Variants in PAPPA2 observed in about 807,000 individuals in gnomAD.
The protein encoded by PAPPA2 is pappalysin 2.
Under a neutral mutation model 176.4 loss-of-function variants are expected in PAPPA2, and 86 were observed. The observed-to-expected ratio is 0.49, with a 90% CI of 0.41 to 0.58. The LOEUF is 0.58. PAPPA2 is among the 20% of genes least tolerant of loss of function. PAPPA2 has a pLI of 0.00. For missense variants in PAPPA2, 2,073 were observed against 2,256.9 expected, an observed-to-expected ratio of 0.92 and a Z score of 1.65; for synonymous variants, 809 against 852.2, an observed-to-expected ratio of 0.95 and a Z score of 0.88.
chr1:176,712,062 T>C (rs779311986), intron 12 of PAPPA2, 81 bp downstream of exon 12: 3 of 1,462,420 alleles, frequency 2.1e-6, no homozygotes, highest in East Asian at 2.3e-5. Context: ...TGTGTGTAAA[T>C]GGTGCATTTG....
At chr1:176,734,304 C>T (rs1662296451) in intron 12 of PAPPA2, among the ~76,000 whole-genome samples, 1 of 152,016 alleles carries the variant, frequency 6.6e-6, no homozygotes, top group Non-Finnish European at 1.5e-5. Flanking sequence ...ACAAATCATA[C>T]ATTGTTGAAT....
At chr1:176,630,241 C>T (rs534580139) in intron 3 of PAPPA2, among the ~76,000 whole-genome samples, 3 of 151,838 alleles carry the variant, frequency 2.0e-5, no homozygotes, top group Non-Finnish European at 4.4e-5. Context: ...AGGAAACTTA[C>T]GTAGGTAGTA....
At chr1:176,689,894 A>ACAT (rs1660025027) in intron 4 of PAPPA2, among the ~76,000 whole-genome samples, 1 of 152,148 alleles carries the variant, frequency 6.6e-6, no homozygotes, top group Admixed American at 6.5e-5. Flanking sequence ...TATTATGTCA[A>ACAT]CATTGCTATC....
chr1:176,693,067 T>C (rs530597025), intron 6 of PAPPA2, among the ~76,000 whole-genome samples: 1 of 152,272 alleles, frequency 6.6e-6, no homozygotes, highest in South Asian at 2.1e-4. Flanking sequence ...GAGAGAAAGG[T>C]AGGAAAATGA....
At chr1:176,589,884 T>C (rs1350742562) in intron 2 of PAPPA2, among the ~76,000 whole-genome samples, 1 of 152,198 alleles carries the variant, frequency 6.6e-6, no homozygotes, top group Admixed American at 6.5e-5. Context: ...GTCTCCTAAA[T>C]GTGAGATTCT....
intron 1 of PAPPA2, among the ~76,000 whole-genome samples, chr1:176,530,243 G>T (rs1362822226): frequency 2.0e-5 from 3 of 152,192 alleles, no homozygotes; most frequent in African/African-American, 7.2e-5. Context: ...AGGAAGACAG[G>T]TTAAAACCTC....
At chr1:176,752,878 A>C (rs1663247117) in intron 14 of PAPPA2, among the ~76,000 whole-genome samples, 1 of 152,232 alleles carries the variant, frequency 6.6e-6, no homozygotes, top group African/African-American at 2.4e-5. Flanking sequence ...CTTTAGCCTT[A>C]GAAAGCTATT....
chr1:176,738,564 C>G (rs905603343), intron 12 of PAPPA2, among the ~76,000 whole-genome samples: 1 of 152,142 alleles, frequency 6.6e-6, no homozygotes, highest in East Asian at 1.9e-4. Flanking sequence ...TTTCCTGGAG[C>G]TTCATCACCC....
rs373739173 is a variant in PAPPA2, at chr1:176,816,152, GTATATATATATATATATATATATATA to G, written c.5202+16040_5202+16065del. On this transcript the variant is annotated intron_variant, in intron 21 of 22. Coordinates refer to ENST00000367662, the MANE Select transcript of PAPPA2 (RefSeq NM_020318.3). ...CTGAGATTTATTTTCCTTTCACAGT[GTATATATATATATATATATATATATA>G]TATATATATATATATATATGTACAC... Among the ~76,000 whole-genome samples, 14 of 42,278 alleles carry G rather than the reference GTATATATATATATATATATATATATA, an allele frequency of 3.3e-4. 1 individual carries two copies. Among genetic ancestry groups the G allele is most frequent in the East Asian group, 2.5e-3 (2 of 814 alleles). The allele number at this position is 42,278 out of a possible 152,430, so 27.7% of individuals were successfully genotyped here.
chr1:176,524,027 TA>T (rs937319222), intron 1 of PAPPA2, among the ~76,000 whole-genome samples: 2 of 152,250 alleles, frequency 1.3e-5, no homozygotes, highest in African/African-American at 4.8e-5. Context: ...CACCAGTCTC[TA>T]CTTTCCCTCT....
At chr1:176,668,796 C>T (rs757672886) in intron 3 of PAPPA2, among the ~76,000 whole-genome samples, 15 of 152,234 alleles carry the variant, frequency 9.9e-5, no homozygotes, top group East Asian at 3.9e-4. Flanking sequence ...TTATACTTGA[C>T]GACATATATC....
rs565336735 is a variant in PAPPA2 at position 176,808,011 on chromosome 1, G to T, written c.5202+7879G>T. 6.4e-4 allele frequency among the ~76,000 whole-genome samples: 98 copies of T among 152,232 alleles called. 1 individual carries two copies. Among genetic ancestry groups the T allele is most frequent in the Admixed American group, 2.2e-3 (33 of 15,300 alleles). ...CTGCTTTCAGAAGGCAGCCAAAGGA[G>T]TTGACCCCATCTCGGATCATTACTA... On this transcript the variant is annotated intron_variant, in intron 21 of 22. Coordinates refer to ENST00000367662, the MANE Select transcript of PAPPA2 (RefSeq NM_020318.3).
chr1:176,499,406 A>G (rs1647824875), intron 1 of PAPPA2, among the ~76,000 whole-genome samples: 1 of 152,216 alleles, frequency 6.6e-6, no homozygotes, highest in Non-Finnish European at 1.5e-5. Context: ...CCTCAAACTT[A>G]TTCCAAAGAT....
At position 176,507,013 on chromosome 1, in the gene PAPPA2, G is replaced by A. The variant is rs554649997; in HGVS notation, c.-917+43595G>A. Among the ~76,000 whole-genome samples, 52 of 152,094 alleles carry A rather than the reference G, an allele frequency of 3.4e-4. No individual in the cohort carries two copies. In the South Asian group the frequency reaches 0.011, roughly 31 times the overall value. ...AGAATAAACAGACAACCTACAGAAC[G>A]AGAGAAAGTATTTGCAAACTATGCA... On this transcript the variant is annotated intron_variant, in intron 1 of 22. Coordinates refer to ENST00000367662, the MANE Select transcript of PAPPA2 (RefSeq NM_020318.3).
intron 21 of PAPPA2, among the ~76,000 whole-genome samples, chr1:176,805,991 C>CAA (rs11439850): frequency 0.12 from 9,011 of 74,772 alleles, 1,355 homozygotes; most frequent in African/African-American, 0.36. Context: ...CTGTCTCTCT[C>CAA]AAAAAAAAAA....
At chr1:176,600,469 G>A (rs1213588621) in intron 3 of PAPPA2, among the ~76,000 whole-genome samples, 2 of 151,792 alleles carry the variant, frequency 1.3e-5, no homozygotes, top group Admixed American at 6.6e-5. Context: ...GAGGTCAGGA[G>A]ATCGAGACCA....
chr1:176,486,534 T>G (rs1652651821), intron 1 of PAPPA2, among the ~76,000 whole-genome samples: 1 of 152,144 alleles, frequency 6.6e-6, no homozygotes, highest in Non-Finnish European at 1.5e-5. Context: ...AGAAATTGTA[T>G]CAACTTTATG....
intron 2 of PAPPA2, among the ~76,000 whole-genome samples, chr1:176,591,470 G>T (rs1253131869): frequency 6.8e-6 from 1 of 148,026 alleles, no homozygotes. Flanking sequence ...TCCTTTTGCT[G>T]CTCCCAGAGC....
chr1:176,706,333 A>C, intron 9 of PAPPA2, 26 bp from the exon 10 acceptor site: 2 of 1,575,878 alleles, frequency 1.3e-6, no homozygotes, highest in Non-Finnish European at 1.7e-6. Flanking sequence ...TATGTGTTAT[A>C]TATGCATATA....
Sources: allele counts gnomAD v4.1 joint callset (sites outside exome capture counted in the v4.1 genomes callset), GRCh38; gene constraint gnomAD v4.1.1; transcripts MANE v1.5; gene names NCBI Gene and HGNC (gene_info 2026-07-23, HGNC 2026-07-21).